MADD: variants seen among roughly 807,000 people sequenced by gnomAD.
MADD encodes the protein MAP kinase activating death domain.
MADD carries 109 observed loss-of-function variants against 176.7 expected under a neutral mutation model. The observed-to-expected ratio is 0.62, with a 90% CI of 0.53 to 0.72. The LOEUF (loss-of-function observed/expected upper bound fraction) is 0.72. MADD is among the 30% of genes least tolerant of loss of function. The pLI is 0.00. For synonymous variants in MADD, 771 were observed against 771.3 expected (o/e 1.00, Z 0.01); for missense variants, 1,914 against 2,045.5 (o/e 0.94, Z 1.24).
intron 7 of MADD, among the ~76,000 whole-genome samples, chr11:47,280,566 ATTTATTTATTT>A (rs1565303589): frequency 6.6e-6 from 1 of 151,890 alleles, no homozygotes; most frequent in African/African-American, 2.4e-5. Context: ...TAATTAATTA[ATTTATTTATTT>A]ATTTTGAGAT....
exon 8 of MADD, chr11:47,281,575 G>A: frequency 1.2e-6 from 2 of 1,604,118 alleles, no homozygotes; most frequent in Non-Finnish European, 1.7e-6. Flanking sequence ...TGTTCCACAG[G>A]CCTTGGCCAG....
exon 31 of MADD, chr11:47,326,793 T>C: frequency 6.2e-7 from 1 of 1,614,122 alleles, no homozygotes; most frequent in Non-Finnish European, 8.5e-7. Context: ...GGCGTCTTTG[T>C]CCTGGAGGAA....
intron 31 of MADD, chr11:47,327,940 G>C (rs553228859): frequency 7.7e-4 from 758 of 985,340 alleles, no homozygotes; most frequent in Non-Finnish European, 8.7e-4. Flanking sequence ...TCTCACTCTT[G>C]CCTTCTGGGC....
At chr11:47,288,846 A>C (rs75994385) in intron 15 of MADD, 122 bp from the exon 16 acceptor site, 15,661 of 758,316 alleles carry the variant, frequency 0.021, 223 homozygotes, top group Middle Eastern at 0.031. Context: ...CCAAGAACCA[A>C]GGTTATGTGC....
rs1221458085 is a variant in MADD at position 47,290,381 on chromosome 11, G to A, written c.3094+82G>A. 8 of 1,530,018 alleles carry A rather than the reference G, an allele frequency of 5.2e-6. No individual in the cohort carries two copies. The East Asian group carries it at 1.6e-4, about 31-fold the overall frequency. The allele number at this position is 1,530,018 out of a possible 1,614,324, so 94.8% of individuals were successfully genotyped here. A position where few individuals can be genotyped will look rare whatever the true frequency, so the allele number is the denominator to read the frequency against. ...GAAGAGAAAATATATGTGTACCCAGGACACGTTTCCCAGTGCCACGCTGCT... is the reference window on the plus strand; with the variant it reads ...GAAGAGAAAATATATGTGTACCCAGAACACGTTTCCCAGTGCCACGCTGCT... On this transcript the variant is annotated intron_variant, in intron 18 of 32. Coordinates refer to ENST00000402192, the Ensembl canonical transcript of MADD.
chr11:47,291,387 C>T (rs896061102), intron 19 of MADD, among the ~76,000 whole-genome samples: 4 of 152,112 alleles, frequency 2.6e-5, no homozygotes, highest in East Asian at 1.9e-4. Context: ...GGTGTTTCTC[C>T]GTTCCCACAA....
intron 19 of MADD, among the ~76,000 whole-genome samples, chr11:47,293,459 G>A (rs1477253326): frequency 6.6e-6 from 1 of 151,842 alleles, no homozygotes; most frequent in Admixed American, 6.6e-5. Flanking sequence ...GCATCACCAC[G>A]CCCGGCTAAT....
At chr11:47,278,067 G>GA (rs1421160349) in intron 5 of MADD, 98 bp from the exon 6 acceptor site, 12 of 805,852 alleles carry the variant, frequency 1.5e-5, no homozygotes, top group Non-Finnish European at 2.6e-5. Flanking sequence ...TTGGAAGAGG[G>GA]ATTGTATCTG....
intron 3 of MADD, among the ~76,000 whole-genome samples, chr11:47,275,683 T>C (rs909035374): frequency 1.3e-5 from 2 of 152,268 alleles, no homozygotes; most frequent in Non-Finnish European, 2.9e-5. Flanking sequence ...GTGTTTTAAC[T>C]GTGGTTAGGA....
chr11:47,310,339 G>A (rs528590491), intron 25 of MADD, among the ~76,000 whole-genome samples: 37 of 149,732 alleles, frequency 2.5e-4, no homozygotes, highest in African/African-American at 8.6e-4. Flanking sequence ...CTACCACCAT[G>A]CCTGGCTAAT....
chr11:47,296,770 T>TTG (rs1565426759), intron 22 of MADD, among the ~76,000 whole-genome samples: 1 of 149,308 alleles, frequency 6.7e-6, no homozygotes, highest in East Asian at 1.9e-4. Flanking sequence ...TGTTGTTTTT[T>TTG]TTTTTTTTTT....
chr11:47,284,046 G>A (rs909314715), intron 10 of MADD, 132 bp from the exon 11 acceptor site: 5 of 665,314 alleles, frequency 7.5e-6, no homozygotes, highest in Non-Finnish European at 1.3e-5. Flanking sequence ...TGTTTTTCTT[G>A]GCTTCTTTAT....
At chr11:47,306,801 A>G (rs1157515286) in intron 22 of MADD, among the ~76,000 whole-genome samples, 4 of 151,978 alleles carry the variant, frequency 2.6e-5, no homozygotes, top group African/African-American at 4.8e-5. Flanking sequence ...TCTCTTTGTG[A>G]GGGGGATGTG....
intron 25 of MADD, among the ~76,000 whole-genome samples, chr11:47,310,919 A>G (rs904994035): frequency 2.0e-5 from 3 of 151,952 alleles, no homozygotes; most frequent in South Asian, 2.1e-4. Context: ...AAAAAAAAAA[A>G]AAAAGAAATG....
intron 27 of MADD, among the ~76,000 whole-genome samples, chr11:47,320,317 G>T (rs1210950663): frequency 1.3e-5 from 2 of 151,714 alleles, no homozygotes; most frequent in South Asian, 4.2e-4. Flanking sequence ...TTAGCCAGGC[G>T]AGGTGGTGGG....
intron 27 of MADD, among the ~76,000 whole-genome samples, chr11:47,318,703 C>T (rs116210227): frequency 0.014 from 2,189 of 151,664 alleles, 55 homozygotes; most frequent in African/African-American, 0.05. Context: ...ACTGTGCCAT[C>T]ACCTGGCTCC....
chr11:47,273,887 C>T (rs2047281778), exon 2 of MADD: 1 of 1,607,360 alleles, frequency 6.2e-7, no homozygotes, highest in South Asian at 1.1e-5. Flanking sequence ...CCTGATGCTT[C>T]TCTGAGATAA....
intron 15 of MADD, 115 bp downstream of exon 16, chr11:47,289,142 G>A (rs2063147608): frequency 9.1e-7 from 1 of 1,104,650 alleles, no homozygotes; most frequent in Admixed American, 2.4e-5. Context: ...TGACCTGCTT[G>A]CCCCGTCCCC....
intron 22 of MADD, among the ~76,000 whole-genome samples, chr11:47,301,391 T>TA (rs1270880102): frequency 6.6e-6 from 1 of 152,228 alleles, no homozygotes; most frequent in Non-Finnish European, 1.5e-5. Flanking sequence ...ATGCTGGGAT[T>TA]ATAGGCATGA....
Sources: gnomAD v4.1 joint callset for allele counts (sites outside exome capture counted in the v4.1 genomes callset) on GRCh38, gnomAD v4.1.1 for gene constraint, MANE v1.5 for transcripts, NCBI Gene and HGNC (gene_info 2026-07-23, HGNC 2026-07-21) for gene names.